IQSEC1: variants seen among roughly 807,000 people sequenced by gnomAD.
The protein encoded by IQSEC1 is IQ motif and Sec7 domain ArfGEF 1, also known as IQ motif and SEC7 domain-containing protein 1.
Under a neutral mutation model 91.0 loss-of-function variants are expected in IQSEC1, and 31 were observed. The observed-to-expected ratio is 0.34, with a 90% CI of 0.26 to 0.46. The LOEUF (loss-of-function observed/expected upper bound fraction) is 0.46, where lower values mean the gene tolerates loss of function less well. Ranked by LOEUF, IQSEC1 falls within the 20% of genes least tolerant of loss-of-function variation. The pLI is 1.00. For missense variants in IQSEC1, 1,388 were observed against 1,575.6 expected, an observed-to-expected ratio of 0.88 and a Z score of 2.02; for synonymous variants, 699 against 662.6, an observed-to-expected ratio of 1.05 and a Z score of -0.84.
intron 2 of IQSEC1, among the ~76,000 whole-genome samples, chr3:12,939,400 G>A (rs2125335837): frequency 6.6e-6 from 1 of 152,334 alleles, no homozygotes; most frequent in South Asian, 2.1e-4. Flanking sequence ...CTGCTTCAGG[G>A]ACAGAAAGCC....
At position 13,008,032 on chromosome 3, in the gene IQSEC1, G is replaced by C. The variant is rs1702712545; in HGVS notation, c.23+64960C>G. 6.6e-6 allele frequency among the ~76,000 whole-genome samples: 1 copy of C among 152,208 alleles called. No homozygotes were observed. Among genetic ancestry groups the C allele is most frequent in the African/African-American group, 2.4e-5 (1 of 41,452 alleles). On this transcript the variant is annotated intron_variant, in intron 1 of 13. Transcript: ENST00000613206. This position sits in a 1 kb window ranked among gnomAD's most constrained non-coding sequence, Gnocchi z 4.1. ...CTCTAGGAAGCCAGGTGAGAGAGCA[G>C]AGGAACTACCCTTCCATAAGCCCAC...
At chr3:12,916,903 G>C (rs1480536169) in intron 6 of IQSEC1, among the ~76,000 whole-genome samples, 1 of 152,164 alleles carries the variant, frequency 6.6e-6, no homozygotes, top group East Asian at 1.9e-4. Flanking sequence ...GTGCAAAGTA[G>C]CAGGGGATAA....
At position 13,184,634 on chromosome 3, in the gene IQSEC1, G is replaced by T. The variant is rs1223254259; in HGVS notation, c.273-20501C>A. ...AAGGCCAAGGAATAAAAGCCATACAGATTGGAAAAGAAGAACCAGAACTGT... is the reference window on the plus strand; with the variant it reads ...AAGGCCAAGGAATAAAAGCCATACATATTGGAAAAGAAGAACCAGAACTGT... On this transcript the variant is annotated intron_variant, in intron 1 of 15. Coordinates refer to the IQSEC1 transcript ENST00000648114. Among the ~76,000 whole-genome samples, 6 of 152,214 alleles carry T rather than the reference G, an allele frequency of 3.9e-5. No individual in the cohort carries two copies. The East Asian group carries it at 1.2e-3, about 29-fold the overall frequency.
chr3:13,147,372 T>C (rs566712963), intron 2 of IQSEC1, among the ~76,000 whole-genome samples: 5 of 151,576 alleles, frequency 3.3e-5, no homozygotes, highest in African/African-American at 1.2e-4. Context: ...TATGCCTTTA[T>C]GTACTCATAG....
rs1460280469 is a variant in IQSEC1 at position 13,068,546 on chromosome 3, A to G, written c.23+4446T>C. The stretch of plus-strand genomic sequence containing the variant: ...CAGTTCCCCAACCTCTTTAACCCCC[A>G]GTCTTTTCTTCATATCTTTAGCTTC... On this transcript the variant is annotated intron_variant, in intron 1 of 13. Coordinates refer to ENST00000613206, the MANE Select transcript of IQSEC1 (RefSeq NM_001134382.3). Among the ~76,000 whole-genome samples the G allele has an allele frequency of 3.3e-5, 5 of 152,062 alleles. No individual in the cohort carries two copies. The East Asian group carries it at 9.7e-4, about 29-fold the overall frequency.
At chr3:13,020,798 A>G (rs1250054279) in intron 1 of IQSEC1, among the ~76,000 whole-genome samples, 3 of 152,222 alleles carry the variant, frequency 2.0e-5, no homozygotes, top group African/African-American at 7.2e-5. Context: ...CCTTCCGAGT[A>G]GCTGGGACTA....
At chr3:12,993,005 C>G (rs928734492) in intron 1 of IQSEC1, among the ~76,000 whole-genome samples, 1 of 152,082 alleles carries the variant, frequency 6.6e-6, no homozygotes, top group African/African-American at 2.4e-5. Context: ...GGGTCCCACA[C>G]TCTAAGACCC....
intron 2 of IQSEC1, among the ~76,000 whole-genome samples, chr3:13,087,616 G>A (rs1705758016): frequency 6.6e-6 from 1 of 152,224 alleles, no homozygotes; most frequent in South Asian, 2.1e-4. Flanking sequence ...AAATGCATTT[G>A]AAAGGGAGTT....
At chr3:12,944,040 T>A (rs1248206479) in intron 1 of IQSEC1, among the ~76,000 whole-genome samples, 1 of 152,202 alleles carries the variant, frequency 6.6e-6, no homozygotes, top group African/African-American at 2.4e-5. Flanking sequence ...GGGCCCTCTG[T>A]GGCTCTGCCC....
rs979349616 is a variant in IQSEC1, at chr3:13,202,153, A to G, written c.273-38020T>C. Among the ~76,000 whole-genome samples the G allele has an allele frequency of 1.2e-4, 19 of 152,188 alleles. 1 individual carries two copies. The highest frequency in any genetic ancestry group is 1.0e-3 in the Admixed American group (16 of 15,282). ...TGGCTCCTATCAAAAAACAGATGCT[A>G]ACAATTGTTGCAAGGATGTGAAGAA... On this transcript the variant is annotated intron_variant, in intron 1 of 15. Coordinates refer to the IQSEC1 transcript ENST00000648114.
chr3:13,013,064 G>T (rs1405420990), intron 1 of IQSEC1, among the ~76,000 whole-genome samples: 1 of 148,602 alleles, frequency 6.7e-6, no homozygotes, highest in African/African-American at 2.5e-5. Flanking sequence ...AGGTTCAAGC[G>T]ATTCTCCTGC....
chr3:13,218,238 G>C (rs565019187), intron 1 of IQSEC1, among the ~76,000 whole-genome samples: 3 of 152,234 alleles, frequency 2.0e-5, no homozygotes, highest in African/African-American at 7.2e-5. Flanking sequence ...CCTGGGGCAA[G>C]GCATGGGTGG....
intron 1 of IQSEC1, 27 bp downstream of exon 1, chr3:13,072,965 A>G: frequency 6.5e-7 from 1 of 1,546,210 alleles, no homozygotes; most frequent in Non-Finnish European, 8.8e-7. Flanking sequence ...CTCTGGCTTC[A>G]GGCAGAAACC....
At chr3:13,021,441 G>A (rs568472176) in intron 1 of IQSEC1, among the ~76,000 whole-genome samples, 96 of 152,318 alleles carry the variant, frequency 6.3e-4, no homozygotes, top group Middle Eastern at 3.4e-3. Flanking sequence ...TGCTGGCACC[G>A]CACCGGGCCC....
intron 13 of IQSEC1, among the ~76,000 whole-genome samples, chr3:12,901,881 G>A (rs1694353206): frequency 6.6e-6 from 1 of 152,186 alleles, no homozygotes. Context: ...TCTGTGCGCT[G>A]TGTGTGGCGA....
At chr3:13,209,303 C>T (rs1230126547) in intron 1 of IQSEC1, among the ~76,000 whole-genome samples, 1 of 152,232 alleles carries the variant, frequency 6.6e-6, no homozygotes, top group East Asian at 1.9e-4. Context: ...CTTGCTCTAT[C>T]TCCATCTCTC....
chr3:13,049,479 C>A (rs189878098), intron 1 of IQSEC1, among the ~76,000 whole-genome samples: 2 of 152,304 alleles, frequency 1.3e-5, no homozygotes, highest in East Asian at 3.9e-4. Flanking sequence ...CTTGCATTAA[C>A]CTTATGAGGT....
chr3:13,014,892 G>C (rs552913952), intron 1 of IQSEC1, among the ~76,000 whole-genome samples: 1 of 152,258 alleles, frequency 6.6e-6, no homozygotes, highest in East Asian at 1.9e-4. Context: ...AGGGGCTCCT[G>C]GGGGGACACA....
chr3:12,932,480 G>A (rs770463585), intron 3 of IQSEC1, among the ~76,000 whole-genome samples: 1 of 152,198 alleles, frequency 6.6e-6, no homozygotes, highest in Non-Finnish European at 1.5e-5. Flanking sequence ...GCGTTAGCGC[G>A]TGACAGGCCC....
Sources: gnomAD v4.1 joint callset for allele counts (sites outside exome capture counted in the v4.1 genomes callset) on GRCh38, gnomAD v4.1.1 for gene constraint, Gnocchi (gnomAD v3.1) non-coding constraint, MANE v1.5 for transcripts, NCBI Gene and HGNC (gene_info 2026-07-23, HGNC 2026-07-21) for gene names.